MORC2: variants seen among roughly 807,000 people sequenced by gnomAD.
MORC2 encodes the protein ATPase MORC2.
MORC2 carries 30 observed loss-of-function variants against 136.0 expected under a neutral mutation model. The ratio of observed to expected loss-of-function variants is 0.22; its 90% CI spans 0.17 to 0.30. The LOEUF is 0.30. Among genes scored for constraint, MORC2 ranks in the 10% least tolerant of loss-of-function variants. The probability of loss-of-function intolerance (pLI) is 1.00; values close to 1 mark genes in which losing one functional copy is unlikely to be tolerated. For synonymous variants in MORC2, 439 were observed against 487.0 expected (o/e 0.90, Z 1.30); for missense variants, 922 against 1,333.1 (o/e 0.69, Z 4.80).
Position 30,941,587 on chromosome 22 carries a change from G to A in MORC2, c.699-29C>T. On this transcript the variant is annotated intron_variant, in intron 8 of 25. Transcript: ENST00000397641. The surrounding 1 kb of genome is among the most constrained non-coding windows in gnomAD (Gnocchi z 4.6). ...GAGAGGGCAAAAACAGAGAAGTGCT[G>A]TCACCTGCTCCACAACAGGCCTGAC... 1 of 1,605,778 alleles carries A rather than the reference G, an allele frequency of 6.2e-7. No individual in the cohort carries two copies.
intron 3 of MORC2, among the ~76,000 whole-genome samples, chr22:30,952,290 G>A (rs746555953): frequency 1.3e-5 from 2 of 152,214 alleles, no homozygotes; most frequent in Non-Finnish European, 2.9e-5. Context: ...GCCGCAAAAT[G>A]TGCATGAAGA....
At position 30,933,412 on chromosome 22, in the gene MORC2, T is replaced by TCCACTC. The variant is rs1047285834; in HGVS notation, c.2380+48_2380+53dup. On this transcript the variant is annotated intron_variant, in intron 21 of 25. Coordinates refer to ENST00000397641, the MANE Select transcript of MORC2 (RefSeq NM_001303256.3). ...ATTGCTGCTGGTAAGGGGCTCCACT[T>TCCACTC]CCACTCCCACTCCCACCCCCGCCAC... 62 of 1,592,488 alleles carry TCCACTC rather than the reference T, an allele frequency of 3.9e-5. No individual in the cohort carries two copies. In the East Asian group the frequency reaches 9.6e-4, roughly 25 times the overall value.
chr22:30,966,226 C>G (rs2041126439), intron 1 of MORC2, among the ~76,000 whole-genome samples: 1 of 152,208 alleles, frequency 6.6e-6, no homozygotes, highest in African/African-American at 2.4e-5. Flanking sequence ...CCAAGATTAT[C>G]ATAAAATCTG....
rs2040625970 is a variant in MORC2 at position 30,934,710 on chromosome 22, G to A, written c.2193+71C>T. 9 of 1,560,770 alleles carry A rather than the reference G, an allele frequency of 5.8e-6. No individual in the cohort carries two copies. Among genetic ancestry groups the A allele is most frequent in the South Asian group, 1.2e-5 (1 of 83,960 alleles). On this transcript the variant is annotated intron_variant, in intron 19 of 25. Coordinates refer to ENST00000397641, the MANE Select transcript of MORC2 (RefSeq NM_001303256.3). This position sits in a 1 kb window ranked among gnomAD's most constrained non-coding sequence, Gnocchi z 4.4. ...TTCCGAAGGCTCCCCCAGTACAGCT[G>A]TGACACTGCACAATTCCATTCCTAC...
chr22:30,948,531 T>TA (rs1170206760), intron 5 of MORC2, among the ~76,000 whole-genome samples: 14 of 152,246 alleles, frequency 9.2e-5, no homozygotes, highest in African/African-American at 3.4e-4. Flanking sequence ...ATGTAATTCT[T>TA]AACCTACTTG....
Position 30,941,688 on chromosome 22 carries a change from G to A in MORC2, c.699-130C>T. The A allele has an allele frequency of 7.4e-7, 1 of 1,353,950 alleles. No homozygotes were observed. Among genetic ancestry groups the A allele is most frequent in the Non-Finnish European group, 1.0e-6 (1 of 997,760 alleles). 83.9% of individuals were successfully genotyped at this position (1,353,950 alleles called of 1,614,324 possible). ...CTGACTTCTGCTGCTGCCCTGAACT[G>A]GTGCTCCCTTAGTGTGAGCACCACA... is the stretch of plus-strand genomic sequence containing the variant. On this transcript the variant is annotated intron_variant, in intron 8 of 25. Transcript: ENST00000397641. This position sits in a 1 kb window ranked among gnomAD's most constrained non-coding sequence, Gnocchi z 4.6.
chr22:30,961,044 AT>A (rs2041038364), intron 1 of MORC2, among the ~76,000 whole-genome samples: 1 of 151,302 alleles, frequency 6.6e-6, no homozygotes, highest in African/African-American at 2.4e-5. Context: ...TTTTTAAAAT[AT>A]TTTTAGTAGA....
intron 2 of MORC2, 115 bp from the exon 3 acceptor site, chr22:30,956,912 C>A: frequency 1.2e-6 from 1 of 801,626 alleles, no homozygotes; most frequent in Non-Finnish European, 1.9e-6. Flanking sequence ...GGAAGCCATA[C>A]AGAAATTCTA....
intron 3 of MORC2, 47 bp downstream of exon 3, chr22:30,956,716 A>C: frequency 7.2e-7 from 1 of 1,398,600 alleles, no homozygotes; most frequent in South Asian, 1.3e-5. Context: ...ACAGTAATAA[A>C]TGCATTAAGA....
intron 20 of MORC2, 68 bp from the exon 21 acceptor site, chr22:30,933,588 C>A: frequency 6.6e-7 from 1 of 1,510,028 alleles, no homozygotes; most frequent in Non-Finnish European, 9.1e-7. Flanking sequence ...GCCTTACTGG[C>A]CACCCGGGGT....
chr22:30,929,541 G>A (rs565974107), intron 24 of MORC2, among the ~76,000 whole-genome samples: 10 of 152,290 alleles, frequency 6.6e-5, no homozygotes, highest in African/African-American at 2.4e-4. Context: ...GAGGTCAGGA[G>A]ATCGAGACCA....
intron 3 of MORC2, among the ~76,000 whole-genome samples, chr22:30,956,424 C>T (rs1338198508): frequency 1.3e-5 from 2 of 152,218 alleles, no homozygotes; most frequent in Admixed American, 6.5e-5. Context: ...GCTGCAGGTA[C>T]CACAAACCTC....
At chr22:30,944,465 C>CG (rs1281994090) in intron 6 of MORC2, among the ~76,000 whole-genome samples, 48 of 152,100 alleles carry the variant, frequency 3.2e-4, no homozygotes, top group Admixed American at 3.1e-3. Context: ...CTCTGGCCCC[C>CG]TTCTCCTCTC....
At chr22:30,967,333 C>A (rs2041143286) in intron 1 of MORC2, 3 of 987,544 alleles carry the variant, frequency 3.0e-6, no homozygotes, top group Non-Finnish European at 2.4e-6. Flanking sequence ...AGCAATCTGC[C>A]AGGAAGATAA....
intron 24 of MORC2, among the ~76,000 whole-genome samples, chr22:30,931,031 T>C (rs903705864): frequency 2.4e-4 from 36 of 152,122 alleles, no homozygotes; most frequent in Non-Finnish European, 4.7e-4. Context: ...CCATGATCAG[T>C]CTCCTGACGA....
chr22:30,932,505 G>C lies in MORC2; in HGVS notation c.2747+40C>G, dbSNP rs746210102. 8.7e-6 allele frequency: 14 copies of C among 1,612,254 alleles called. No individual in the cohort carries two copies. The highest frequency in any genetic ancestry group is 1.2e-5 in the Non-Finnish European group (14 of 1,178,418). ...AATGGCATGGAGCAGGCAGAGAGCT[G>C]CTGCTGGCCCTGGGGTGGGAAGACA... is the stretch of plus-strand genomic sequence containing the variant. On this transcript the variant is annotated intron_variant, in intron 23 of 25. Coordinates refer to ENST00000397641, the MANE Select transcript of MORC2 (RefSeq NM_001303256.3). The surrounding 1 kb of genome is among the most constrained non-coding windows in gnomAD (Gnocchi z 4.4).
chr22:30,932,599 G>A lies in MORC2; in HGVS notation c.2693C>T (p.Thr898Ile), dbSNP rs1569188407. ...CTCGTGATTGGTGCTCAGGGCAGTGGTGTCAGGCTCAATGCGGAGGCATTC... is the reference window on the plus strand; with the variant it reads ...CTCGTGATTGGTGCTCAGGGCAGTGATGTCAGGCTCAATGCGGAGGCATTC... The part of the protein sequence containing the change: ...TSECLRIEPD[T>I]TALSTNHETI... The change falls in exon 23 of 26, where the codon ACC (threonine) becomes ATC (isoleucine). Residue 898 changes from threonine (T) to isoleucine (I), a missense_variant. Thr to Ile is a moderately conservative substitution (Grantham distance 89, BLOSUM62 -1). Around this residue, in one of 9 missense-constraint regions of MORC2, gnomAD observed 263 missense variants for 388.3 expected, o/e 0.68. Coordinates refer to ENST00000397641, the MANE Select transcript of MORC2 (RefSeq NM_001303256.3). This position sits in a 1 kb window ranked among gnomAD's most constrained non-coding sequence, Gnocchi z 4.4. 6.2e-7 allele frequency: 1 copy of A among 1,614,194 alleles called. No homozygotes were observed. The highest frequency in any genetic ancestry group is 8.5e-7 in the Non-Finnish European group (1 of 1,180,044).
At position 30,946,488 on chromosome 22, in the gene MORC2, G is replaced by A. The variant is rs751163284; in HGVS notation, c.318-39C>T. 11 of 1,532,216 alleles carry A rather than the reference G, an allele frequency of 7.2e-6. No homozygotes were observed. In the East Asian group the frequency reaches 2.3e-4, roughly 32 times the overall value. The allele number at this position is 1,532,216 out of a possible 1,614,324, so 94.9% of individuals were successfully genotyped here. Reference sequence around the variant, plus strand: ...AGAAATGGGTGTTATTCTCCCAGGAGTCAAAAGCTCATCTGCAAAAGAAAT... The same window carrying A: ...AGAAATGGGTGTTATTCTCCCAGGAATCAAAAGCTCATCTGCAAAAGAAAT... On this transcript the variant is annotated intron_variant, in intron 5 of 25. Coordinates refer to ENST00000397641, the MANE Select transcript of MORC2 (RefSeq NM_001303256.3).
At chr22:30,935,624 G>C (rs943818797) in intron 17 of MORC2, among the ~76,000 whole-genome samples, 2 of 152,152 alleles carry the variant, frequency 1.3e-5, no homozygotes, top group Non-Finnish European at 2.9e-5. Context: ...GGGAAAACCT[G>C]GATGAAGCCA....
Sources: gnomAD v4.1 joint callset for allele counts (sites outside exome capture counted in the v4.1 genomes callset) on GRCh38, gnomAD v4.1.1 for gene constraint, gnomAD v4.1.1 regional missense constraint, Gnocchi (gnomAD v3.1) non-coding constraint, MANE v1.5 for transcripts, NCBI Gene and HGNC (gene_info 2026-07-23, HGNC 2026-07-21) for gene names.